BLTP1: variants seen among roughly 807,000 people sequenced by gnomAD.
BLTP1 encodes the protein fragile site-associated protein.
the BLTP1 span, chr4:122,356,077 C>A: frequency 1.1e-6 from 1 of 880,992 alleles, no homozygotes; most frequent in Non-Finnish European, 1.7e-6. Flanking sequence ...TTTTGTAATA[C>A]TAATATCTAA....
chr4:122,156,978 T>C, the BLTP1 span, among the ~76,000 whole-genome samples: 11 of 152,142 alleles, frequency 7.2e-5, no homozygotes, highest in South Asian at 2.1e-4. Flanking sequence ...CTCTGACTTA[T>C]GGTAGAAAGA....
the BLTP1 span, chr4:122,328,301 G>A: frequency 6.2e-7 from 1 of 1,610,644 alleles, no homozygotes. Context: ...ATTCCGAGAA[G>A]GATGAAAAAG....
the BLTP1 span, among the ~76,000 whole-genome samples, chr4:122,168,663 G>A: frequency 1.3e-5 from 2 of 151,786 alleles, no homozygotes; most frequent in African/African-American, 4.8e-5. Flanking sequence ...TGCTGACAGG[G>A]ATTTTTCAAA....
chr4:122,198,144 G>C, the BLTP1 span: 1 of 984,148 alleles, frequency 1.0e-6, no homozygotes, highest in South Asian at 4.7e-5. Flanking sequence ...TAAAGTGGTA[G>C]CATTCAGGCC....
the BLTP1 span, chr4:122,173,079 T>C: frequency 1.2e-6 from 2 of 1,612,568 alleles, no homozygotes; most frequent in Non-Finnish European, 1.7e-6. Flanking sequence ...TCACATATTA[T>C]AATTCCCGGA....
chr4:122,167,706 C>G, the BLTP1 span: 1 of 985,216 alleles, frequency 1.0e-6, no homozygotes, highest in Admixed American at 6.2e-5. Flanking sequence ...CAAGCTTGTC[C>G]GTCATGCCAT....
the BLTP1 span, chr4:122,287,564 C>G: frequency 1.0e-6 from 1 of 985,316 alleles, no homozygotes; most frequent in Non-Finnish European, 1.2e-6. Flanking sequence ...GTCAGTTTGT[C>G]AAAAACTGTT....
chr4:122,357,298 C>T, the BLTP1 span, among the ~76,000 whole-genome samples: 1 of 151,978 alleles, frequency 6.6e-6, no homozygotes, highest in Non-Finnish European at 1.5e-5. Flanking sequence ...GGCGGTGGCT[C>T]ATGTCTGTAA....
the BLTP1 span, chr4:122,269,366 G>T: frequency 1.0e-6 from 1 of 967,834 alleles, no homozygotes; most frequent in Non-Finnish European, 1.2e-6. Flanking sequence ...CTTCATTTGA[G>T]CACACAAGTA....
the BLTP1 span, chr4:122,249,164 AGAT>A: frequency 1.5e-6 from 1 of 671,170 alleles, no homozygotes; most frequent in African/African-American, 2.0e-5. Context: ...TTATTTTGTG[AGAT>A]GATGAAAGTA....
chr4:122,280,508 T>G, the BLTP1 span, among the ~76,000 whole-genome samples: 1 of 151,904 alleles, frequency 6.6e-6, no homozygotes, highest in Non-Finnish European at 1.5e-5. Flanking sequence ...CCAAAAACTG[T>G]AACTAATAAA....
At chr4:122,324,115 C>A in the BLTP1 span, among the ~76,000 whole-genome samples, 1 of 152,108 alleles carries the variant, frequency 6.6e-6, no homozygotes, top group African/African-American at 2.4e-5. Context: ...CAGTTTCTTT[C>A]TCCATTCTTA....
the BLTP1 span, among the ~76,000 whole-genome samples, chr4:122,278,043 AAAAT>A: frequency 6.6e-6 from 1 of 152,148 alleles, no homozygotes; most frequent in Non-Finnish European, 1.5e-5. Context: ...CAAATAGCAT[AAAAT>A]AAATATATTA....
chr4:122,236,836 C>T, the BLTP1 span: 20 of 985,264 alleles, frequency 2.0e-5, no homozygotes, highest in East Asian at 1.1e-4. Flanking sequence ...TTGTAATTGC[C>T]GAATTGCCAT....
the BLTP1 span, chr4:122,263,494 A>G: frequency 6.2e-7 from 1 of 1,611,860 alleles, no homozygotes; most frequent in Non-Finnish European, 8.5e-7. Flanking sequence ...TATCTGAGCC[A>G]TCATCTGTGA....
the BLTP1 span, chr4:122,292,676 A>C: frequency 2.6e-6 from 2 of 762,768 alleles, no homozygotes; most frequent in Non-Finnish European, 3.2e-6. Flanking sequence ...AAAAGCATGA[A>C]TATTAAGAAA....
chr4:122,206,458 T>A, the BLTP1 span, among the ~76,000 whole-genome samples: 4 of 151,940 alleles, frequency 2.6e-5, no homozygotes, highest in African/African-American at 9.7e-5. Flanking sequence ...TCGAGTGCAA[T>A]TTATAATAGT....
the BLTP1 span, among the ~76,000 whole-genome samples, chr4:122,275,623 A>T: frequency 2.6e-5 from 4 of 152,156 alleles, no homozygotes; most frequent in African/African-American, 9.6e-5. Flanking sequence ...TTAACCTTGC[A>T]AAACATAATG....
At chr4:122,342,237 A>G in the BLTP1 span, among the ~76,000 whole-genome samples, 1 of 152,196 alleles carries the variant, frequency 6.6e-6, no homozygotes, top group East Asian at 1.9e-4. Context: ...GACAGACTTT[A>G]TATGCCTGAG....
Sources: gnomAD v4.1 joint callset for allele counts (sites outside exome capture counted in the v4.1 genomes callset) on GRCh38, gnomAD v4.1.1 for gene constraint, MANE v1.5 for transcripts, NCBI Gene and HGNC (gene_info 2026-07-23, HGNC 2026-07-21) for gene names.